The following WDR72 variants were observed in gnomAD, a reference collection of about 807,000 sequenced individuals.
WDR72 encodes the protein WD repeat-containing protein 72.
A neutral mutation model predicts 124.2 loss-of-function variants in WDR72; 120 were observed. That is an observed-to-expected ratio of 0.97 (90% confidence interval 0.83 to 1.12). The LOEUF (loss-of-function observed/expected upper bound fraction) is 1.12. Ranked by LOEUF, WDR72 falls within the 50% of genes most tolerant of loss-of-function variation. WDR72 has a pLI of 0.00. For missense variants in WDR72, 1,387 were observed against 1,278.8 expected (o/e 1.08, Z -1.29); for synonymous variants, 452 against 441.7 (o/e 1.02, Z -0.29).
intron 6 of WDR72, among the ~76,000 whole-genome samples, chr15:53,713,986 C>A (rs1198632812): frequency 5.3e-5 from 8 of 152,070 alleles, no homozygotes; most frequent in Admixed American, 4.6e-4. Context: ...TATGGCTGTT[C>A]TTTTGTCCAT....
chr15:53,615,922 C>T lies in WDR72; in HGVS notation c.2284G>A (p.Glu762Lys). 6.2e-7 allele frequency: 1 copy of T among 1,613,396 alleles called. No individual in the cohort carries two copies. The highest frequency in any genetic ancestry group is 8.5e-7 in the Non-Finnish European group (1 of 1,179,648). Residue 762 changes from glutamate (E) to lysine (K), a missense_variant, in exon 15 of 20, where the codon GAA (glutamate) becomes AAA (lysine). Transcript: ENST00000360509. ...TTCTGCCTTTTAATGCCATCATTTT[C>T]TTCTGAGAATTTGATGGTATTATCT... The part of the protein sequence containing the change: ...QGDNTIKFSE[E>K]NDGIKRQKKM...
chr15:53,648,947 G>A (rs1350975568), intron 14 of WDR72, among the ~76,000 whole-genome samples: 1 of 144,608 alleles, frequency 6.9e-6, no homozygotes. Context: ...TACAAACCAG[G>A]GCTCCCAAAT....
chr15:53,556,133 A>G (rs1431924376), intron 18 of WDR72, among the ~76,000 whole-genome samples: 1 of 152,150 alleles, frequency 6.6e-6, no homozygotes, highest in Non-Finnish European at 1.5e-5. Context: ...GCCAGTGTAA[A>G]AGTTTAAGGC....
chr15:53,536,017 T>C (rs1892741816), intron 18 of WDR72, among the ~76,000 whole-genome samples: 1 of 152,208 alleles, frequency 6.6e-6, no homozygotes, highest in South Asian at 2.1e-4. Flanking sequence ...CAGCGCTTGA[T>C]GAATCTGAGT....
rs529232626 is a variant in WDR72 at position 53,593,304 on chromosome 15, TC to T, written c.3148+3774del. ...TCAAACTGATTTAGGGCAAATTTCT[TC>T]CACGTTGCAAGTATGGAAAACGTAG... On this transcript the variant is annotated intron_variant, in intron 18 of 19. Coordinates refer to ENST00000360509, the MANE Select transcript of WDR72 (RefSeq NM_182758.4). 2.1e-4 allele frequency among the ~76,000 whole-genome samples: 32 copies of T among 152,220 alleles called. No homozygotes were observed. The East Asian group carries it at 5.4e-3, about 26-fold the overall frequency.
chr15:53,619,607 C>CA (rs2013907469), intron 14 of WDR72, among the ~76,000 whole-genome samples: 1 of 152,106 alleles, frequency 6.6e-6, no homozygotes, highest in African/African-American at 2.4e-5. Context: ...ACTGAATACG[C>CA]ATCTCTTAGA....
intron 13 of WDR72, among the ~76,000 whole-genome samples, chr15:53,696,637 T>G (rs1420496004): frequency 6.6e-6 from 1 of 152,242 alleles, no homozygotes; most frequent in African/African-American, 2.4e-5. Context: ...AAACACTTCC[T>G]GATCTCAGAC....
At chr15:53,604,136 T>C (rs746994092) in intron 17 of WDR72, among the ~76,000 whole-genome samples, 2 of 152,098 alleles carry the variant, frequency 1.3e-5, no homozygotes, top group Non-Finnish European at 2.9e-5. Flanking sequence ...AACAGACACA[T>C]AGACCAATGG....
intron 13 of WDR72, among the ~76,000 whole-genome samples, chr15:53,689,460 A>C (rs565565631): frequency 6.7e-6 from 1 of 149,564 alleles, no homozygotes; most frequent in South Asian, 2.1e-4. Flanking sequence ...AAAACACATG[A>C]AAAAATGCTC....
In WDR72 at chr15:53,669,159, G is replaced by C. The variant is rs542876005; in HGVS notation, c.1766-3391C>G. On this transcript the variant is annotated intron_variant, in intron 13 of 19. Transcript: ENST00000360509. ...ACAGCTGTCTGTAGTACATGACGGC[G>C]GGGCTAGCAGCACTTTGCATCCAAC... Among the ~76,000 whole-genome samples, 16 of 152,108 alleles carry C rather than the reference G, an allele frequency of 1.1e-4. No individual in the cohort carries two copies. In the South Asian group the frequency reaches 3.1e-3, roughly 30 times the overall value.
At chr15:53,738,747 C>T (rs1313168565) in intron 1 of WDR72, among the ~76,000 whole-genome samples, 1 of 152,164 alleles carries the variant, frequency 6.6e-6, no homozygotes, top group Non-Finnish European at 1.5e-5. Context: ...ACTGGGATTA[C>T]AGGCACCCAC....
intron 13 of WDR72, among the ~76,000 whole-genome samples, chr15:53,688,862 C>A (rs904906951): frequency 2.0e-5 from 3 of 152,030 alleles, no homozygotes; most frequent in African/African-American, 4.8e-5. Context: ...GGTACCAAAA[C>A]AGAGATATAG....
chr15:53,724,085 C>T (rs1482899980), intron 2 of WDR72, among the ~76,000 whole-genome samples: 3 of 152,176 alleles, frequency 2.0e-5, no homozygotes, highest in African/African-American at 7.2e-5. Flanking sequence ...TATATGATCT[C>T]ACTTCTATGC....
At chr15:53,612,908 G>A (rs1566983894) in intron 16 of WDR72, among the ~76,000 whole-genome samples, 2 of 151,796 alleles carry the variant, frequency 1.3e-5, no homozygotes, top group African/African-American at 2.4e-5. Context: ...TGAGGGTGAG[G>A]GAAAGGAAGG....
At chr15:53,570,298 A>T (rs1595766158) in intron 18 of WDR72, among the ~76,000 whole-genome samples, 1 of 151,502 alleles carries the variant, frequency 6.6e-6, no homozygotes, top group East Asian at 1.9e-4. Flanking sequence ...CTTAGAATCT[A>T]ACCTCTTCAC....
intron 1 of WDR72, among the ~76,000 whole-genome samples, chr15:53,740,557 A>C (rs2018483501): frequency 6.6e-6 from 1 of 152,028 alleles, no homozygotes; most frequent in South Asian, 2.1e-4. Context: ...CCGCCTCCCA[A>C]AGTGCTGGGA....
At chr15:53,643,298 G>C (rs983751435) in intron 14 of WDR72, among the ~76,000 whole-genome samples, 18 of 151,736 alleles carry the variant, frequency 1.2e-4, no homozygotes, top group Admixed American at 4.6e-4. Context: ...CATTCCAGCA[G>C]CAAATTAATT....
intron 1 of WDR72, 109 bp from the exon 2 acceptor site, chr15:53,733,270 TC>T: frequency 8.3e-7 from 1 of 1,208,612 alleles, no homozygotes; most frequent in Non-Finnish European, 1.2e-6. Context: ...TGATGTGTTC[TC>T]CCAGTGCTAT....
At chr15:53,570,431 A>G (rs1476481969) in intron 18 of WDR72, among the ~76,000 whole-genome samples, 2 of 152,130 alleles carry the variant, frequency 1.3e-5, no homozygotes, top group African/African-American at 2.4e-5. Flanking sequence ...GGCAAAGGAC[A>G]TGAACAGACA....
Sources: gnomAD v4.1 joint callset for allele counts (sites outside exome capture counted in the v4.1 genomes callset) on GRCh38, gnomAD v4.1.1 for gene constraint, MANE v1.5 for transcripts, NCBI Gene and HGNC (gene_info 2026-07-23, HGNC 2026-07-21) for gene names.